USP44: variants seen among roughly 807,000 people sequenced by gnomAD.
USP44 encodes the protein ubiquitin carboxyl-terminal hydrolase 44.
In USP44, 61 loss-of-function variants were observed where a neutral mutation model predicts 69.0. The ratio of observed to expected loss-of-function variants is 0.88; its 90% CI spans 0.72 to 1.09. The LOEUF (loss-of-function observed/expected upper bound fraction) is 1.09, where lower values mean the gene tolerates loss of function less well. Ranked by LOEUF, USP44 falls within the 50% of genes least tolerant of loss-of-function variation. The pLI is 0.00. For synonymous variants in USP44, 297 were observed against 295.4 expected, an observed-to-expected ratio of 1.01 and a Z score of -0.06; for missense variants, 753 against 849.9, an observed-to-expected ratio of 0.89 and a Z score of 1.42.
chr12:95,537,399 A>G (rs901494683), intron 1 of USP44, among the ~76,000 whole-genome samples: 1 of 151,910 alleles, frequency 6.6e-6, no homozygotes, highest in Admixed American at 6.6e-5. Context: ...GCTCACTGCA[A>G]CCTCCACCTC....
intron 3 of USP44, among the ~76,000 whole-genome samples, chr12:95,527,287 G>T (rs1315915818): frequency 6.6e-6 from 1 of 151,844 alleles, no homozygotes; most frequent in African/African-American, 2.4e-5. Context: ...TAGAGATGGG[G>T]TTTCACCATG....
In USP44 at chr12:95,524,665, G is replaced by A. The variant is rs777397463; in HGVS notation, c.1733+15C>T. 6.4e-7 allele frequency: 1 copy of A among 1,564,402 alleles called. No individual in the cohort carries two copies. Among genetic ancestry groups the A allele is most frequent in the African/African-American group, 1.4e-5 (1 of 72,668 alleles). ...CACAAGGAATGATAACTTTGCAACT[G>A]GTCCTACTACAGACCTGAATCGTTT... On this transcript the variant is annotated intron_variant, in intron 4 of 5. Transcript: ENST00000258499.
chr12:95,550,011 T>A (rs549267327), intron 1 of USP44, among the ~76,000 whole-genome samples: 10 of 152,070 alleles, frequency 6.6e-5, no homozygotes, highest in Non-Finnish European at 1.0e-4. Context: ...AAACCCTGTC[T>A]CTACTAAAAA....
intron 1 of USP44, chr12:95,546,984 G>C (rs1415963716): frequency 6.6e-6 from 1 of 152,156 alleles, no homozygotes; most frequent in Non-Finnish European, 1.5e-5. Context: ...GTACAGAAAA[G>C]ATAAATCTGT....
chr12:95,544,155 C>T (rs756143440), intron 1 of USP44, among the ~76,000 whole-genome samples: 3 of 145,268 alleles, frequency 2.1e-5, no homozygotes, highest in East Asian at 2.2e-4. Flanking sequence ...CCCGAGTTCA[C>T]GCCATTCTCC....
At chr12:95,523,634 T>C (rs1402720313) in intron 4 of USP44, among the ~76,000 whole-genome samples, 3 of 147,260 alleles carry the variant, frequency 2.0e-5, no homozygotes, top group East Asian at 3.9e-4. Flanking sequence ...GCAGATTGCC[T>C]GAGCTCAGGA....
intron 1 of USP44, among the ~76,000 whole-genome samples, chr12:95,536,987 C>T (rs1043458248): frequency 2.6e-5 from 4 of 152,118 alleles, no homozygotes; most frequent in African/African-American, 9.7e-5. Flanking sequence ...CACAGAGCCA[C>T]TGAAGAAATC....
intron 1 of USP44, among the ~76,000 whole-genome samples, chr12:95,537,485 A>AT (rs1159959061): frequency 4.0e-5 from 6 of 151,884 alleles, no homozygotes; most frequent in African/African-American, 1.4e-4. Context: ...TGTCCAGCTA[A>AT]TTTTTGTATT....
chr12:95,525,080 T>C (rs1376165638), intron 3 of USP44, among the ~76,000 whole-genome samples: 1 of 152,246 alleles, frequency 6.6e-6, no homozygotes, highest in Non-Finnish European at 1.5e-5. Flanking sequence ...TATTTTTATT[T>C]ATTTATTTAG....
chr12:95,532,927 T>C lies in USP44; in HGVS notation c.1330A>G (p.Thr444Ala), dbSNP rs772846793. Residue 444 changes from threonine to alanine, a missense_variant, in exon 2 of 6, where the codon ACC becomes GCC. Thr to Ala is a moderately conservative substitution (Grantham distance 58, BLOSUM62 0). Transcript: ENST00000258499. ...KIQRELETTG[T>A]SLPALIPTSQ... ...GTGGGGATAAGAGCTGGTAAACTGG[T>C]ACCAGTTGTCTCTAATTCACGTTGT... The C allele has an allele frequency of 2.5e-6, 4 of 1,614,210 alleles. No homozygotes were observed. In the South Asian group the frequency reaches 4.4e-5, roughly 18 times the overall value.
chr12:95,529,039 T>G (rs1272795000), intron 2 of USP44, 37 bp from the exon 3 acceptor site: 1 of 1,525,630 alleles, frequency 6.6e-7, no homozygotes, highest in Non-Finnish European at 8.8e-7. Flanking sequence ...GATTATAATC[T>G]TTCCATCAAA....
rs1191045599 is a variant in USP44, at chr12:95,544,048, CT to C, written c.-71+7223del. ...ACATTCCACTGTAAATTTTAGTTATCTTTTTTTTTTTTTTTTTTTTTTCTGA... is the reference window on the plus strand; with the variant it reads ...ACATTCCACTGTAAATTTTAGTTATCTTTTTTTTTTTTTTTTTTTTTCTGA... On this transcript the variant is annotated intron_variant, in intron 1 of 5. Coordinates refer to ENST00000258499, the MANE Select transcript of USP44 (RefSeq NM_032147.5). Among the ~76,000 whole-genome samples, 204 of 97,240 alleles carry C rather than the reference CT, an allele frequency of 2.1e-3. No homozygotes were observed. The East Asian group carries it at 0.022, about 10-fold the overall frequency. The allele number at this position is 97,240 out of a possible 152,430, so 63.8% of individuals were successfully genotyped here. A position where few individuals can be genotyped will look rare whatever the true frequency, so the allele number is the denominator to read the frequency against.
At chr12:95,551,090 A>C (rs2140415968) in intron 1 of USP44, among the ~76,000 whole-genome samples, 182 bp downstream of exon 1, 1 of 152,250 alleles carries the variant, frequency 6.6e-6, no homozygotes, top group Non-Finnish European at 1.5e-5. Context: ...CCTGAGCTCC[A>C]GAACCTCTCT....
At chr12:95,531,527 G>C (rs2596734) in intron 2 of USP44, among the ~76,000 whole-genome samples, 11,840 of 152,160 alleles carry the variant, frequency 0.078, 653 homozygotes, top group Non-Finnish European at 0.12. Context: ...CTCTGTAACA[G>C]TGTATTTTAA....
At chr12:95,521,440 T>G (rs2076659791) in intron 4 of USP44, among the ~76,000 whole-genome samples, 1 of 152,232 alleles carries the variant, frequency 6.6e-6, no homozygotes, top group African/African-American at 2.4e-5. Flanking sequence ...AAGTATTGCC[T>G]TATGGGGGCA....
intron 1 of USP44, chr12:95,535,284 A>G (rs1425536656): frequency 1.3e-5 from 2 of 152,210 alleles, no homozygotes; most frequent in Admixed American, 1.3e-4. Flanking sequence ...TTTTAATTGT[A>G]TCTATAGTGA....
Position 95,548,527 on chromosome 12 carries a change from G to T in USP44, c.-71+2745C>A. On this transcript the variant is annotated intron_variant, in intron 1 of 5. Transcript: ENST00000258499. The surrounding 1 kb of genome is among the most constrained non-coding windows in gnomAD (Gnocchi z 4.1). ...GGGTCGGAGCGCCGCAGAACCCACC[G>T]AAACTTCCCAGGGGGGCAATTCAAA... The T allele has an allele frequency of 6.6e-6, 1 of 152,520 alleles. No individual in the cohort carries two copies. The highest frequency in any genetic ancestry group is 1.5e-5 in the Non-Finnish European group (1 of 68,256). The allele number at this position is 152,520 out of a possible 1,614,324, so 9.4% of individuals were successfully genotyped here.
intron 1 of USP44, among the ~76,000 whole-genome samples, chr12:95,537,849 CAT>C (rs563450387): frequency 4.1e-3 from 631 of 152,220 alleles, no homozygotes; most frequent in African/African-American, 0.014. Flanking sequence ...GTAAAAATAA[CAT>C]GTTTTAAATA....
chr12:95,546,957 C>T (rs1051278351), intron 1 of USP44: 4 of 152,100 alleles, frequency 2.6e-5, no homozygotes, highest in Admixed American at 1.3e-4. Context: ...GTGGATATGA[C>T]GCTTTCTTTC....
Sources: allele counts gnomAD v4.1 joint callset (sites outside exome capture counted in the v4.1 genomes callset), GRCh38; gene constraint gnomAD v4.1.1; non-coding constraint Gnocchi (gnomAD v3.1); transcripts MANE v1.5; gene names NCBI Gene and HGNC (gene_info 2026-07-23, HGNC 2026-07-21).